The following ADAM12 variants were observed in gnomAD, a reference collection of about 807,000 sequenced individuals.
The protein encoded by ADAM12 is disintegrin and metalloproteinase domain-containing protein 12.
In ADAM12, 70 loss-of-function variants were observed where a neutral mutation model predicts 106.4. That is an observed-to-expected ratio of 0.66 (90% CI 0.54 to 0.80). ADAM12 has a LOEUF of 0.80. Ranked by LOEUF, ADAM12 falls within the 30% of genes least tolerant of loss-of-function variation. ADAM12 has a pLI of 0.00. For synonymous variants in ADAM12, 420 were observed against 433.5 expected, an observed-to-expected ratio of 0.97 and a Z score of 0.39; for missense variants, 1,010 against 1,171.9, an observed-to-expected ratio of 0.86 and a Z score of 2.02.
At chr10:126,069,729 T>C (rs1954947509) in intron 12 of ADAM12, among the ~76,000 whole-genome samples, 2 of 151,890 alleles carry the variant, frequency 1.3e-5, no homozygotes, top group South Asian at 4.2e-4. Flanking sequence ...GCTGTGGAGA[T>C]GGCAGTGGTT....
At position 126,043,579 on chromosome 10, in the gene ADAM12, CCT is replaced by C. The variant is rs1040753350; in HGVS notation, c.1996-433_1996-432del. Among the ~76,000 whole-genome samples, 4 of 152,204 alleles carry C rather than the reference CCT, an allele frequency of 2.6e-5. No homozygotes were observed. The highest frequency in any genetic ancestry group is 6.5e-5 in the Admixed American group (1 of 15,282). ...GGACCTGACAGATGCTTGGCGCATCCCTGTCTCCTTCAGACAGAAGGCTCAGA... is the reference window on the plus strand; with the variant it reads ...GGACCTGACAGATGCTTGGCGCATCCGTCTCCTTCAGACAGAAGGCTCAGA... On this transcript the variant is annotated intron_variant, in intron 17 of 22. Coordinates refer to ENST00000448723, the MANE Select transcript of ADAM12 (RefSeq NM_001288973.2). The surrounding 1 kb of genome is among the most constrained non-coding windows in gnomAD (Gnocchi z 4.1).
At chr10:126,118,659 C>T (rs1054275588) in intron 5 of ADAM12, among the ~76,000 whole-genome samples, 7 of 152,146 alleles carry the variant, frequency 4.6e-5, no homozygotes, top group Admixed American at 2.6e-4. Flanking sequence ...CCTTTGGTTA[C>T]GTGGATAAAT....
intron 1 of ADAM12, among the ~76,000 whole-genome samples, chr10:126,365,228 T>G (rs1467501251): frequency 1.3e-5 from 2 of 152,208 alleles, no homozygotes; most frequent in Non-Finnish European, 2.9e-5. Flanking sequence ...TCTCTAACAT[T>G]CTGCTTCCGG....
chr10:126,205,559 A>G (rs1957779953), intron 3 of ADAM12, among the ~76,000 whole-genome samples: 1 of 152,256 alleles, frequency 6.6e-6, no homozygotes, highest in Admixed American at 6.5e-5. Context: ...TATATTTCTT[A>G]AACCTGATCT....
Position 126,110,268 on chromosome 10 carries a change from G to A in ADAM12, c.604-428C>T, listed in dbSNP as rs527648003. ...ATCAGAGAAGACGACGGAGTTCAAT[G>A]CACTGTGGCTGTTCCCTTTGTCTTT... On this transcript the variant is annotated intron_variant, in intron 6 of 22. Coordinates refer to ENST00000448723, the MANE Select transcript of ADAM12 (RefSeq NM_001288973.2). 7.9e-5 allele frequency among the ~76,000 whole-genome samples: 12 copies of A among 152,278 alleles called. No individual in the cohort carries two copies. The South Asian group carries it at 2.3e-3, about 29-fold the overall frequency.
intron 3 of ADAM12, among the ~76,000 whole-genome samples, chr10:126,156,444 T>G (rs10901539): frequency 1.3e-5 from 2 of 152,184 alleles, no homozygotes; most frequent in East Asian, 3.9e-4. Context: ...AAGTAACCAA[T>G]GGAAACCTCT....
chr10:126,296,356 A>T (rs61670382), intron 2 of ADAM12, among the ~76,000 whole-genome samples: 2,132 of 152,170 alleles, frequency 0.014, 49 homozygotes, highest in African/African-American at 0.049. Flanking sequence ...GCTGCTCTTG[A>T]ACTTCTGGCT....
chr10:126,243,798 T>G (rs1590671487), intron 3 of ADAM12, among the ~76,000 whole-genome samples: 1 of 152,314 alleles, frequency 6.6e-6, no homozygotes, highest in East Asian at 1.9e-4. Context: ...ACAATGGAAC[T>G]AGACCATGGC....
intron 2 of ADAM12, among the ~76,000 whole-genome samples, chr10:126,306,483 A>C (rs999743020): frequency 6.6e-6 from 1 of 152,178 alleles, no homozygotes; most frequent in Non-Finnish European, 1.5e-5. Flanking sequence ...TGCTCTTTCT[A>C]TAGTTCTATG....
chr10:126,254,976 G>A (rs1222701942), intron 3 of ADAM12, among the ~76,000 whole-genome samples: 1 of 152,140 alleles, frequency 6.6e-6, no homozygotes, highest in Non-Finnish European at 1.5e-5. Context: ...CTCATGTTCT[G>A]GCCATAGTTC....
rs549124281 is a variant in ADAM12 at position 126,327,982 on chromosome 10, C to T, written c.186+2430G>A. Among the ~76,000 whole-genome samples, 21 of 152,300 alleles carry T rather than the reference C, an allele frequency of 1.4e-4. No homozygotes were observed. In the East Asian group the frequency reaches 4.1e-3, roughly 29 times the overall value. On this transcript the variant is annotated intron_variant, in intron 2 of 22. Coordinates refer to ENST00000448723, the MANE Select transcript of ADAM12 (RefSeq NM_001288973.2). ...CCTGCCTCCTCCCTGCTCCTCCAGCCTCTTACACTCTGGCTCTTCTCATGG... is the reference window on the plus strand; with the variant it reads ...CCTGCCTCCTCCCTGCTCCTCCAGCTTCTTACACTCTGGCTCTTCTCATGG...
Position 126,049,988 on chromosome 10 carries a change from G to GTGGCTGGCTGGCTGGC in ADAM12, c.1610-335_1610-320dup, listed in dbSNP as rs60411537. On this transcript the variant is annotated intron_variant, in intron 14 of 22. Coordinates refer to ENST00000448723, the MANE Select transcript of ADAM12 (RefSeq NM_001288973.2). The surrounding 1 kb of genome is among the most constrained non-coding windows in gnomAD (Gnocchi z 4.4). ...AGATCTGATCCAGGGCAGAAAGGAG[G>GTGGCTGGCTGGCTGGC]TGGCTGGCTGGCTGGCTGGCTGGCT... 2.3e-4 allele frequency among the ~76,000 whole-genome samples: 35 copies of GTGGCTGGCTGGCTGGC among 149,948 alleles called. No individual in the cohort carries two copies. The highest frequency in any genetic ancestry group is 4.2e-4 in the Non-Finnish European group (28 of 67,340).
intron 3 of ADAM12, among the ~76,000 whole-genome samples, chr10:126,226,166 T>C (rs1958190579): frequency 8.8e-6 from 1 of 113,964 alleles, no homozygotes; most frequent in South Asian, 3.1e-4. Context: ...GTGCTCTGCA[T>C]AATCCCTGGG....
chr10:126,156,320 A>T (rs1956814880), intron 3 of ADAM12, among the ~76,000 whole-genome samples: 1 of 152,222 alleles, frequency 6.6e-6, no homozygotes, highest in Admixed American at 6.5e-5. Flanking sequence ...ACTAAGTCAA[A>T]CGGAAACACT....
intron 2 of ADAM12, among the ~76,000 whole-genome samples, chr10:126,327,063 G>A (rs1854329261): frequency 6.6e-6 from 1 of 152,148 alleles, no homozygotes; most frequent in Non-Finnish European, 1.5e-5. Flanking sequence ...TCACAGGGGT[G>A]GCCCCATGCT....
At chr10:126,077,048 AG>A (rs1430525336) in intron 11 of ADAM12, among the ~76,000 whole-genome samples, 8 of 152,242 alleles carry the variant, frequency 5.3e-5, no homozygotes, top group African/African-American at 1.9e-4. Flanking sequence ...AAATGAACTC[AG>A]TAAAGTTTCA....
At chr10:126,099,340 G>A (rs1218757843) in intron 9 of ADAM12, among the ~76,000 whole-genome samples, 1 of 152,068 alleles carries the variant, frequency 6.6e-6, no homozygotes, top group Non-Finnish European at 1.5e-5. Context: ...AGTGGTAAGT[G>A]TATATAAAAC....
At chr10:126,024,139 C>A (rs1953823302) in intron 21 of ADAM12, among the ~76,000 whole-genome samples, 1 of 152,184 alleles carries the variant, frequency 6.6e-6, no homozygotes, top group East Asian at 1.9e-4. Context: ...AAGGTAAGTA[C>A]AGTTTGATAC....
At chr10:126,034,852 A>T (rs61863617) in intron 21 of ADAM12, among the ~76,000 whole-genome samples, 1 of 152,208 alleles carries the variant, frequency 6.6e-6, no homozygotes, top group Non-Finnish European at 1.5e-5. Context: ...ACTGGAGTGG[A>T]TATAATAATA....
Sources: allele counts gnomAD v4.1 joint callset (sites outside exome capture counted in the v4.1 genomes callset), GRCh38; gene constraint gnomAD v4.1.1; non-coding constraint Gnocchi (gnomAD v3.1); transcripts MANE v1.5; gene names NCBI Gene and HGNC (gene_info 2026-07-23, HGNC 2026-07-21).